THOC1: variants seen among roughly 807,000 people sequenced by gnomAD.
The protein encoded by THOC1 is THO complex 1.
In THOC1, 29 loss-of-function variants were observed where a neutral mutation model predicts 97.3. The observed-to-expected ratio is 0.30, with a 90% CI of 0.22 to 0.41. THOC1 has a LOEUF of 0.41. Ranked by LOEUF, THOC1 falls within the 10% of genes least tolerant of loss-of-function variation. THOC1 has a pLI of 1.00. For missense variants in THOC1, 529 were observed against 761.9 expected (o/e 0.69, Z 3.60); for synonymous variants, 255 against 257.0 (o/e 0.99, Z 0.07).
chr18:259,656 A>G, intron 6 of THOC1, 26 bp downstream of exon 6: 10 of 1,513,476 alleles, frequency 6.6e-6, no homozygotes, highest in Non-Finnish European at 8.9e-6. Context: ...CTTAAAAAGC[A>G]ATCATTTTAT....
rs1035009578 is a variant in THOC1, at chr18:249,088, C to T, written c.678-1131G>A. 3.3e-5 allele frequency among the ~76,000 whole-genome samples: 5 copies of T among 152,178 alleles called. No homozygotes were observed. The South Asian group carries it at 1.0e-3, about 32-fold the overall frequency. On this transcript the variant is annotated intron_variant, in intron 9 of 20. Transcript: ENST00000261600. ...TTTAAAACAGCTAATATCTGATAAA[C>T]GGCTAGTATCTGAAGCACGTGAAAA...
intron 18 of THOC1, among the ~76,000 whole-genome samples, chr18:217,178 A>G (rs1414852255): frequency 1.3e-5 from 2 of 152,230 alleles, no homozygotes; most frequent in Admixed American, 6.5e-5. Context: ...TCCCCTAAGA[A>G]TAGCAATTTG....
intron 12 of THOC1, 49 bp downstream of exon 12, chr18:226,752 T>C (rs1428684135): frequency 7.0e-7 from 1 of 1,436,016 alleles, no homozygotes. Context: ...CAAGTCCTTT[T>C]TTTTCTTGGC....
intron 11 of THOC1, among the ~76,000 whole-genome samples, chr18:229,215 A>G (rs1429142495): frequency 6.6e-6 from 1 of 152,176 alleles, no homozygotes; most frequent in African/African-American, 2.4e-5. Flanking sequence ...TCTACAACCT[A>G]TTCTTTCCAA....
rs769181665 is a variant in THOC1 at position 242,361 on chromosome 18, C to CCAG, written c.918+3960_918+3962dup. On this transcript the variant is annotated intron_variant, in intron 11 of 20. Transcript: ENST00000261600. The surrounding 1 kb of genome is among the most constrained non-coding windows in gnomAD (Gnocchi z 4.5). Reference sequence around the variant, plus strand: ...GGCGTGGTGTTGGGCGCCTGTAATCCCAGCTACTTGGGAGGCTGAGGCACG... The same window carrying CCAG: ...GGCGTGGTGTTGGGCGCCTGTAATCCCAGCAGCTACTTGGGAGGCTGAGGCACG... Among the ~76,000 whole-genome samples the CCAG allele has an allele frequency of 1.8e-4, 27 of 151,876 alleles. No homozygotes were observed. The highest frequency in any genetic ancestry group is 2.9e-4 in the Non-Finnish European group (20 of 67,974).
At chr18:220,207 G>C (rs1911030582) in intron 17 of THOC1, among the ~76,000 whole-genome samples, 1 of 152,100 alleles carries the variant, frequency 6.6e-6, no homozygotes, top group African/African-American at 2.4e-5. Context: ...TCTCCTTGTA[G>C]ATGAACTGAT....
intron 9 of THOC1, among the ~76,000 whole-genome samples, chr18:251,605 TAG>T (rs1336538250): frequency 1.3e-5 from 2 of 152,192 alleles, no homozygotes; most frequent in Non-Finnish European, 2.9e-5. Context: ...ACGGTCTATG[TAG>T]AGTTTGCACA....
At position 248,958 on chromosome 18, in the gene THOC1, T is replaced by G. The variant is rs140459601; in HGVS notation, c.678-1001A>C. Among the ~76,000 whole-genome samples the G allele has an allele frequency of 1.6e-4, 25 of 152,172 alleles. No individual in the cohort carries two copies. The East Asian group carries it at 1.9e-3, about 12-fold the overall frequency. Reference sequence around the variant, plus strand: ...GTAGAGACAGCATTTCACCGTGTTATCCAGGATGGTCTCGAGTTCCTGACT... The same window carrying G: ...GTAGAGACAGCATTTCACCGTGTTAGCCAGGATGGTCTCGAGTTCCTGACT... On this transcript the variant is annotated intron_variant, in intron 9 of 20. Transcript: ENST00000261600.
At chr18:261,244 T>A (rs1912596486) in intron 4 of THOC1, 1 of 152,180 alleles carries the variant, frequency 6.6e-6, no homozygotes, top group South Asian at 2.1e-4. Flanking sequence ...CATTCTTCCT[T>A]CTATTTTAAG....
chr18:249,937 C>T (rs1912226964), intron 9 of THOC1, among the ~76,000 whole-genome samples: 1 of 152,140 alleles, frequency 6.6e-6, no homozygotes, highest in South Asian at 2.1e-4. Context: ...AATGGGGCTA[C>T]CTCTAACAGA....
rs1409031480 is a variant in THOC1, at chr18:267,953, C to T, written c.54+13G>A. 1.9e-6 allele frequency: 3 copies of T among 1,610,858 alleles called. No individual in the cohort carries two copies. The highest frequency in any genetic ancestry group is 1.1e-5 in the South Asian group (1 of 90,342). On this transcript the variant is annotated intron_variant, in intron 1 of 20. Transcript: ENST00000261600. ...CGCCGGGTCAGGCCTGCACCCTCCC[C>T]TCTACAGCTCACCGTAAACCGCGTC...
At chr18:227,638 A>C (rs972794518) in intron 11 of THOC1, among the ~76,000 whole-genome samples, 2 of 152,116 alleles carry the variant, frequency 1.3e-5, no homozygotes, top group Non-Finnish European at 2.9e-5. Context: ...TCCAGCTGTA[A>C]GAATAACCTG....
chr18:215,854 TTCTTA>T (rs1209130293), intron 19 of THOC1: 26 of 229,436 alleles, frequency 1.1e-4, no homozygotes, highest in African/African-American at 5.5e-4. Flanking sequence ...AAGTTTCTGA[TTCTTA>T]TCTTTTATCT....
intron 17 of THOC1, among the ~76,000 whole-genome samples, chr18:222,845 CCTT>C (rs1911138507): frequency 6.6e-6 from 1 of 152,074 alleles, no homozygotes; most frequent in Non-Finnish European, 1.5e-5. Flanking sequence ...GGTTTATCCT[CCTT>C]AAGTATTATA....
Position 215,513 on chromosome 18 carries a change from GAGAA to G in THOC1, c.1603-13_1603-10del, listed in dbSNP as rs778998948. 1.9e-6 allele frequency: 3 copies of G among 1,607,140 alleles called. No individual in the cohort carries two copies. Among genetic ancestry groups the G allele is most frequent in the Non-Finnish European group, 2.6e-6 (3 of 1,174,064 alleles). On this transcript the variant is annotated splice_polypyrimidine_tract_variant and intron_variant, in intron 19 of 20. Transcript: ENST00000261600. ...ATTTCTTCAGAAGGAGGCTAAAAAT[GAGAA>G]AGAAGAATGTTTGAAAGAATGCCAG...
chr18:253,138 G>A (rs1290697718), intron 8 of THOC1, among the ~76,000 whole-genome samples: 1 of 152,142 alleles, frequency 6.6e-6, no homozygotes, highest in Non-Finnish European at 1.5e-5. Flanking sequence ...AGGCTGTGGG[G>A]AAAAAGGGCA....
intron 7 of THOC1, among the ~76,000 whole-genome samples, chr18:255,776 A>T (rs1252595285): frequency 2.0e-5 from 3 of 152,332 alleles, no homozygotes; most frequent in African/African-American, 7.2e-5. Context: ...CTTGCCTTCA[A>T]GGGACAGGCT....
intron 11 of THOC1, chr18:245,395 T>C (rs559271661): frequency 1.9e-4 from 29 of 152,308 alleles, no homozygotes; most frequent in African/African-American, 6.7e-4. Flanking sequence ...AGAAGTCTTA[T>C]GATGACTTCT....
intron 10 of THOC1, among the ~76,000 whole-genome samples, chr18:246,734 C>T (rs577596289): frequency 9.2e-5 from 14 of 151,856 alleles, no homozygotes; most frequent in South Asian, 4.2e-4. Context: ...CCCAGCACTT[C>T]GGGAGGCGGA....
Sources: allele counts gnomAD v4.1 joint callset (sites outside exome capture counted in the v4.1 genomes callset), GRCh38; gene constraint gnomAD v4.1.1; non-coding constraint Gnocchi (gnomAD v3.1); transcripts MANE v1.5; gene names NCBI Gene and HGNC (gene_info 2026-07-23, HGNC 2026-07-21).